Variants in SLC9A5 observed in about 807,000 individuals in gnomAD.
SLC9A5 encodes the protein sodium/hydrogen exchanger 5.
Under a neutral mutation model 91.7 loss-of-function variants are expected in SLC9A5, and 52 were observed. The ratio of observed to expected loss-of-function variants is 0.57; its 90% confidence interval spans 0.45 to 0.71. The LOEUF (loss-of-function observed/expected upper bound fraction) is 0.71. SLC9A5 is among the 30% of genes least tolerant of loss of function. SLC9A5 has a pLI of 0.00. For synonymous variants in SLC9A5, 419 were observed against 474.5 expected (o/e 0.88, Z 1.52); for missense variants, 871 against 1,158.9 (o/e 0.75, Z 3.61).
rs375685866 is a variant in SLC9A5 at position 67,251,482 on chromosome 16, C to T, written c.188-1060C>T. On this transcript the variant is annotated intron_variant, in intron 1 of 15. Transcript: ENST00000299798. ...AGGCTGGAGTACAGTGGCATGATCT[C>T]GGCTCACTGCAACCTCTGCCTCCCA... Among the ~76,000 whole-genome samples the T allele has an allele frequency of 1.3e-4, 17 of 130,402 alleles. No individual in the cohort carries two copies. In the East Asian group the frequency reaches 2.9e-3, roughly 23 times the overall value. 85.5% of individuals were successfully genotyped at this position (130,402 alleles called of 152,430 possible).
rs2035687711 is a variant in SLC9A5 at position 67,266,040 on chromosome 16, G to A, written c.2081-48G>A. ...GGCTTGGGGCTGTGTAGTCCCAACAGGCAGCTGCCAGCCCAGGATGCCTGA... is the reference window on the plus strand; with the variant it reads ...GGCTTGGGGCTGTGTAGTCCCAACAAGCAGCTGCCAGCCCAGGATGCCTGA... On this transcript the variant is annotated intron_variant, in intron 14 of 15. Coordinates refer to ENST00000299798, the MANE Select transcript of SLC9A5 (RefSeq NM_004594.3). 3 of 1,604,634 alleles carry A rather than the reference G, an allele frequency of 1.9e-6. No individual in the cohort carries two copies. In the South Asian group the frequency reaches 3.4e-5, roughly 18 times the overall value.
In SLC9A5 at chr16:67,252,901, C is replaced by G; in HGVS notation, c.490+57C>G. 6.8e-7 allele frequency: 1 copy of G among 1,479,974 alleles called. No individual in the cohort carries two copies. Among genetic ancestry groups the G allele is most frequent in the Non-Finnish European group, 9.1e-7 (1 of 1,095,310 alleles). The allele number at this position is 1,479,974 out of a possible 1,614,324, so 91.7% of individuals were successfully genotyped here. A position where few individuals can be genotyped will look rare whatever the true frequency, so the allele number is the denominator to read the frequency against. ...ACCCATCACCCCTCTCCCTTCTCCT[C>G]AAGCTCTGGAGGCCCATGCTGGTGT... On this transcript the variant is annotated intron_variant, in intron 2 of 15. Coordinates refer to ENST00000299798, the MANE Select transcript of SLC9A5 (RefSeq NM_004594.3). The surrounding 1 kb of genome is among the most constrained non-coding windows in gnomAD (Gnocchi z 4.0).
intron 1 of SLC9A5, among the ~76,000 whole-genome samples, chr16:67,250,302 G>C (rs955244135): frequency 3.9e-5 from 6 of 152,154 alleles, no homozygotes; most frequent in Non-Finnish European, 7.4e-5. Context: ...CTTGGATCTC[G>C]GGGCTGGGGT....
At chr16:67,259,474 G>A (rs973817133) in intron 10 of SLC9A5, 99 bp from the exon 11 acceptor site, 12 of 831,274 alleles carry the variant, frequency 1.4e-5, no homozygotes, top group Non-Finnish European at 2.4e-5. Flanking sequence ...TGTCAAAAGA[G>A]TAAACTAAGT....
At chr16:67,266,854 T>C (rs1373583405) in intron 15 of SLC9A5, among the ~76,000 whole-genome samples, 31 of 133,236 alleles carry the variant, frequency 2.3e-4, no homozygotes, top group South Asian at 2.7e-4. Context: ...TCTTTTCTTT[T>C]TTTTTTTTTT....
In SLC9A5 at chr16:67,255,243, A is replaced by G. The variant is rs1299119649; in HGVS notation, c.654+59A>G. ...CCCAGGCTGCATGCTCTGACCAACT[A>G]GGGGTCTGCGCAGACTCAGTCCCTT... is the stretch of plus-strand genomic sequence containing the variant. On this transcript the variant is annotated intron_variant, in intron 3 of 15. Coordinates refer to ENST00000299798, the MANE Select transcript of SLC9A5 (RefSeq NM_004594.3). The surrounding 1 kb of genome is among the most constrained non-coding windows in gnomAD (Gnocchi z 4.9). 1.9e-6 allele frequency: 3 copies of G among 1,580,312 alleles called. No individual in the cohort carries two copies. Among genetic ancestry groups the G allele is most frequent in the Non-Finnish European group, 2.6e-6 (3 of 1,157,062 alleles).
intron 15 of SLC9A5, among the ~76,000 whole-genome samples, chr16:67,267,175 C>G (rs2035749838): frequency 1.3e-5 from 2 of 150,508 alleles, no homozygotes; most frequent in Admixed American, 1.3e-4. Context: ...CAACCTCTGC[C>G]TCTCGGGTTC....
chr16:67,252,470 G>T lies in SLC9A5; in HGVS notation c.188-72G>T. ...ATCTCAAAAAAAAAAAAACAAAACT[G>T]GGAGTTCATAGGCCTGTGTGTGGGA... On this transcript the variant is annotated intron_variant, in intron 1 of 15. Coordinates refer to ENST00000299798, the MANE Select transcript of SLC9A5 (RefSeq NM_004594.3). The surrounding 1 kb of genome is among the most constrained non-coding windows in gnomAD (Gnocchi z 4.0). 3 of 1,307,726 alleles carry T rather than the reference G, an allele frequency of 2.3e-6. No homozygotes were observed. Among genetic ancestry groups the T allele is most frequent in the Non-Finnish European group, 3.1e-6 (3 of 952,536 alleles). The allele number at this position is 1,307,726 out of a possible 1,614,324, so 81.0% of individuals were successfully genotyped here.
chr16:67,271,039 C>A lies in SLC9A5; in HGVS notation c.2520C>A (p.Ala840=). 1 of 1,612,816 alleles carries A rather than the reference C, an allele frequency of 6.2e-7. No individual in the cohort carries two copies. The highest frequency in any genetic ancestry group is 1.7e-4 in the Middle Eastern group (1 of 6,054). Residue 840 remains alanine (A), a synonymous_variant, in exon 16 of 16, where the codon GCC becomes GCA. Transcript: ENST00000299798. ...HLPSDPRSSF[A]FPPSLAKAGR... Reference sequence around the variant, plus strand: ...CTTCTGATCCACGCTCTAGCTTCGCCTTCCCACCGAGCCTGGCCAAGGCTG... The same window carrying A: ...CTTCTGATCCACGCTCTAGCTTCGCATTCCCACCGAGCCTGGCCAAGGCTG...
chr16:67,255,619 G>A lies in SLC9A5; in HGVS notation c.734-134G>A, dbSNP rs754921604. 3.1e-6 allele frequency: 4 copies of A among 1,303,480 alleles called. No homozygotes were observed. The South Asian group carries it at 5.0e-5, about 16-fold the overall frequency. The allele number at this position is 1,303,480 out of a possible 1,614,324, so 80.7% of individuals were successfully genotyped here. ...ATGGGGTCTGGGAGGGGCTTGCCAGGGATCCTGGCTCTGGGGTTTTGAGCC... is the reference window on the plus strand; with the variant it reads ...ATGGGGTCTGGGAGGGGCTTGCCAGAGATCCTGGCTCTGGGGTTTTGAGCC... On this transcript the variant is annotated intron_variant, in intron 4 of 15. Coordinates refer to ENST00000299798, the MANE Select transcript of SLC9A5 (RefSeq NM_004594.3). The surrounding 1 kb of genome is among the most constrained non-coding windows in gnomAD (Gnocchi z 4.9).
At chr16:67,253,299 A>C (rs915653723) in intron 2 of SLC9A5, among the ~76,000 whole-genome samples, 1 of 151,896 alleles carries the variant, frequency 6.6e-6, no homozygotes, top group Non-Finnish European at 1.5e-5. Flanking sequence ...CATTATTTTA[A>C]ACATTTATTT....
Position 67,258,266 on chromosome 16 carries a change from CTGGCCAGGCCT to C in SLC9A5, c.1497-48_1497-38del. ...CTTGCCCCGTCTGAGGAAGGGCCAC[CTGGCCAGGCCT>C]TGGGAATGGGACTCAGGGCCGGGCC... On this transcript the variant is annotated intron_variant, in intron 9 of 15. Transcript: ENST00000299798. The surrounding 1 kb of genome is among the most constrained non-coding windows in gnomAD (Gnocchi z 4.5). 1 of 1,604,590 alleles carries C rather than the reference CTGGCCAGGCCT, an allele frequency of 6.2e-7. No individual in the cohort carries two copies. The highest frequency in any genetic ancestry group is 8.5e-7 in the Non-Finnish European group (1 of 1,175,672).
rs1322389863 is a variant in SLC9A5, at chr16:67,257,325, C to T, written c.1336-20C>T. 1 of 1,588,802 alleles carries T rather than the reference C, an allele frequency of 6.3e-7. No homozygotes were observed. Among genetic ancestry groups the T allele is most frequent in the Non-Finnish European group, 8.6e-7 (1 of 1,156,960 alleles). ...AACTGAATAGGAATAGGGCAGGGCT[C>T]ACCTCCTGCCTGTCCATAGGGCTTG... On this transcript the variant is annotated intron_variant, in intron 7 of 15. Coordinates refer to ENST00000299798, the MANE Select transcript of SLC9A5 (RefSeq NM_004594.3). This position sits in a 1 kb window ranked among gnomAD's most constrained non-coding sequence, Gnocchi z 5.1.
chr16:67,270,891 G>T lies in SLC9A5; in HGVS notation c.2372G>T (p.Trp791Leu), dbSNP rs1219525306. The change falls in exon 16 of 16, where the codon TGG becomes TTG. Residue 791 changes from tryptophan to leucine, a missense_variant. Transcript: ENST00000299798. This position sits in a 1 kb window ranked among gnomAD's most constrained non-coding sequence, Gnocchi z 4.3. ...KIVPVDMQTG[W>L]NQSISSLESL... is the part of the protein sequence containing the mutation. ...GTGCCTGTGGACATGCAGACGGGTT[G>T]GAACCAGAGCATCTCATCCCTGGAG... is the stretch of plus-strand genomic sequence containing the variant. 6.2e-7 allele frequency: 1 copy of T among 1,614,042 alleles called. No individual in the cohort carries two copies. The highest frequency in any genetic ancestry group is 1.7e-5 in the Admixed American group (1 of 59,998).
At chr16:67,260,354 C>CAAAAAAAAA (rs397932908) in intron 12 of SLC9A5, among the ~76,000 whole-genome samples, 1 of 33,466 alleles carries the variant, frequency 3.0e-5, no homozygotes, top group African/African-American at 1.9e-4. Context: ...GACTCCATCT[C>CAAAAAAAAA]AAAAAAAAAA....
chr16:67,261,649 T>C (rs572620364), intron 12 of SLC9A5: 1 of 152,358 alleles, frequency 6.6e-6, no homozygotes, highest in Admixed American at 6.5e-5. Context: ...ATTTGGGAAA[T>C]ATGTCTCTTC....
In SLC9A5 at chr16:67,260,024, T is replaced by A. The variant is rs535611308; in HGVS notation, c.1842+78T>A. 816 of 1,542,258 alleles carry A rather than the reference T, an allele frequency of 5.3e-4. 1 individual carries two copies. Among genetic ancestry groups the A allele is most frequent in the Non-Finnish European group, 6.7e-4 (767 of 1,145,384 alleles). ...AGCTTAAGAGGCAGTTGGCGCCAGC[T>A]TGTTGGAGAGCTGCAGATGCCCAGC... On this transcript the variant is annotated intron_variant, in intron 12 of 15. Transcript: ENST00000299798.
chr16:67,271,216 G>C lies in SLC9A5; in HGVS notation c.*6G>C, dbSNP rs1467578082. On this transcript the variant is annotated 3_prime_UTR_variant, in exon 16 of 16. Transcript: ENST00000299798. ...ACAGAGGCAGCCGGCTGTAGCTCAA[G>C]GCCTCGGGGAGGAGCAGGAGGTGGA... 6.2e-7 allele frequency: 1 copy of C among 1,607,876 alleles called. No individual in the cohort carries two copies. The highest frequency in any genetic ancestry group is 1.1e-5 in the South Asian group (1 of 90,678).
In SLC9A5 at chr16:67,260,354, C is replaced by CAAAAAAAAAAAAAAAAAAAA. The variant is rs397932908; in HGVS notation, c.1842+412_1842+431dup. Among the ~76,000 whole-genome samples the CAAAAAAAAAAAAAAAAAAAA allele has an allele frequency of 2.9e-3, 98 of 33,430 alleles. 6 individuals are homozygous for CAAAAAAAAAAAAAAAAAAAA. The highest frequency in any genetic ancestry group is 6.4e-3 in the African/African-American group (33 of 5,162). The allele number at this position is 33,430 out of a possible 152,430, so 21.9% of individuals were successfully genotyped here. On this transcript the variant is annotated intron_variant, in intron 12 of 15. Transcript: ENST00000299798. ...TGGGTAACAGAGCAAGACTCCATCT[C>CAAAAAAAAAAAAAAAAAAAA]AAAAAAAAAAAAAAAAAAAAAAAGA... is the stretch of plus-strand genomic sequence containing the variant.
Sources: allele counts gnomAD v4.1 joint callset (sites outside exome capture counted in the v4.1 genomes callset), GRCh38; gene constraint gnomAD v4.1.1; non-coding constraint Gnocchi (gnomAD v3.1); transcripts MANE v1.5; gene names NCBI Gene and HGNC (gene_info 2026-07-23, HGNC 2026-07-21).